CALN1: variants seen among roughly 807,000 people sequenced by gnomAD.
The protein encoded by CALN1 is calneuron 1.
A neutral mutation model predicts 30.6 loss-of-function variants in CALN1; 17 were observed. The ratio of observed to expected loss-of-function variants is 0.56; its 90% CI spans 0.38 to 0.83. CALN1 has a LOEUF of 0.83. Among genes scored for constraint, CALN1 ranks in the 40% least tolerant of loss-of-function variants. CALN1 has a pLI of 0.00. For missense variants in CALN1, 291 were observed against 354.9 expected, an observed-to-expected ratio of 0.82 and a Z score of 1.45; for synonymous variants, 156 against 131.4, an observed-to-expected ratio of 1.19 and a Z score of -1.28.
intron 2 of CALN1, among the ~76,000 whole-genome samples, chr7:72,325,156 C>T (rs938589132): frequency 3.9e-5 from 6 of 151,906 alleles, no homozygotes; most frequent in Non-Finnish European, 7.4e-5. Context: ...TTAAAAGTAG[C>T]TGAGCTTGGT....
chr7:71,872,128 A>G (rs1320056812), intron 5 of CALN1, among the ~76,000 whole-genome samples: 1 of 152,182 alleles, frequency 6.6e-6, no homozygotes, highest in Non-Finnish European at 1.5e-5. Context: ...TAGGTCTATC[A>G]TTGATTTATC....
intron 4 of CALN1, among the ~76,000 whole-genome samples, chr7:72,032,553 T>G (rs1340769361): frequency 6.6e-6 from 1 of 152,192 alleles, no homozygotes; most frequent in Non-Finnish European, 1.5e-5. Flanking sequence ...CCCCAGCCCT[T>G]GGTCCTGGCA....
chr7:72,172,626 A>T (rs1789050857), intron 3 of CALN1, among the ~76,000 whole-genome samples: 1 of 152,248 alleles, frequency 6.6e-6, no homozygotes. Context: ...CAGGAATGCA[A>T]GCCTGGTTCA....
At chr7:72,200,859 G>A (rs935849383) in intron 3 of CALN1, among the ~76,000 whole-genome samples, 12 of 152,172 alleles carry the variant, frequency 7.9e-5, no homozygotes, top group Non-Finnish European at 1.2e-4. Context: ...TCTCCCTGAG[G>A]AAAGCAACTT....
intron 3 of CALN1, among the ~76,000 whole-genome samples, chr7:72,135,098 T>C (rs1436856906): frequency 6.6e-6 from 1 of 152,214 alleles, no homozygotes; most frequent in Non-Finnish European, 1.5e-5. Flanking sequence ...GATCCGCTTT[T>C]AACTCCCCTT....
At chr7:72,487,762 GGTAAAGAAAGA>G in the CALN1 span, among the ~76,000 whole-genome samples, 2 of 98,500 alleles carry the variant, frequency 2.0e-5, no homozygotes, top group Admixed American at 1.1e-4. Flanking sequence ...AGGAAGGAAG[GGTAAAGAAAGA>G]AAGAAAGAGA....
chr7:72,193,024 C>T (rs1048571241), intron 3 of CALN1, among the ~76,000 whole-genome samples: 2 of 151,810 alleles, frequency 1.3e-5, no homozygotes, highest in Non-Finnish European at 2.9e-5. Flanking sequence ...CCCATCTCTG[C>T]TAAAATTACA....
chr7:72,324,698 CAGCCTCCCGAGT>C (rs1202422741), intron 2 of CALN1, among the ~76,000 whole-genome samples: 2 of 152,056 alleles, frequency 1.3e-5, no homozygotes, highest in African/African-American at 2.4e-5. Flanking sequence ...TCTCCTGCCT[CAGCCTCCCGAGT>C]AGCTGGGACT....
At position 72,367,060 on chromosome 7, in the gene CALN1, A is replaced by C. The variant is rs569274149; in HGVS notation, c.119+36191T>G. Among the ~76,000 whole-genome samples, 3 of 152,342 alleles carry C rather than the reference A, an allele frequency of 2.0e-5. No homozygotes were observed. The South Asian group carries it at 6.2e-4, about 32-fold the overall frequency. ...ACCTCACAAATATAATGTTGAGTCA[A>C]AGACGACAGATAAGGTAGAAAGCAT... On this transcript the variant is annotated intron_variant, in intron 2 of 6. Transcript: ENST00000395275.
the CALN1 span, among the ~76,000 whole-genome samples, chr7:72,482,588 T>A: frequency 6.6e-6 from 1 of 152,158 alleles, no homozygotes; most frequent in East Asian, 1.9e-4. Flanking sequence ...AATGATACTA[T>A]ACCACTTGAC....
At chr7:72,463,474 G>A in the CALN1 span, among the ~76,000 whole-genome samples, 5 of 152,074 alleles carry the variant, frequency 3.3e-5, no homozygotes, top group African/African-American at 1.2e-4. Context: ...GCATTTTTCT[G>A]GGAGTTCAGG....
At chr7:72,495,740 G>A in the CALN1 span, among the ~76,000 whole-genome samples, 4 of 152,174 alleles carry the variant, frequency 2.6e-5, no homozygotes, top group Admixed American at 6.5e-5. Flanking sequence ...TATTGCTTCC[G>A]AAATACAATT....
At chr7:71,879,678 G>A (rs1792453852) in intron 5 of CALN1, among the ~76,000 whole-genome samples, 1 of 152,154 alleles carries the variant, frequency 6.6e-6, no homozygotes, top group African/African-American at 2.4e-5. Flanking sequence ...ATGGCAGAGA[G>A]GAAAACTATC....
intron 4 of CALN1, among the ~76,000 whole-genome samples, chr7:72,081,624 G>C (rs1584903504): frequency 1.3e-5 from 2 of 151,956 alleles, no homozygotes; most frequent in Non-Finnish European, 2.9e-5. Flanking sequence ...GTCTCACCAG[G>C]TTGCCCAGGC....
intron 5 of CALN1, among the ~76,000 whole-genome samples, chr7:71,939,572 CAAAA>C (rs35583884): frequency 7.6e-6 from 1 of 131,538 alleles, no homozygotes; most frequent in Admixed American, 7.7e-5. Flanking sequence ...GATGTTGTCT[CAAAA>C]AAAAAAAAAA....
At chr7:71,829,551 G>A (rs1299877947) in intron 5 of CALN1, among the ~76,000 whole-genome samples, 4 of 152,212 alleles carry the variant, frequency 2.6e-5, no homozygotes, top group Non-Finnish European at 4.4e-5. Flanking sequence ...TTTATGCCAA[G>A]AGCTCACTCT....
intron 5 of CALN1, among the ~76,000 whole-genome samples, chr7:71,999,250 AAT>A (rs1245872846): frequency 6.6e-6 from 1 of 152,228 alleles, no homozygotes; most frequent in Non-Finnish European, 1.5e-5. Context: ...GACATTATAT[AAT>A]AGTCAAAGGA....
rs74301546 is a variant in CALN1 at position 72,169,122 on chromosome 7, C to T, written c.245-62828G>A. On this transcript the variant is annotated intron_variant, in intron 3 of 6. Coordinates refer to ENST00000395275, the MANE Select transcript of CALN1 (RefSeq NM_031468.4). ...CATCTAGCCCTATTTATTTCTTTAT[C>T]GCCTTCTTCCCTACATTTACACATA... Among the ~76,000 whole-genome samples, 2,300 of 150,854 alleles carry T rather than the reference C, an allele frequency of 0.015. 185 individuals carry two copies. In the East Asian group the frequency reaches 0.25, roughly 16 times the overall value.
At chr7:72,460,820 C>T in the CALN1 span, among the ~76,000 whole-genome samples, 71 of 152,214 alleles carry the variant, frequency 4.7e-4, no homozygotes, top group African/African-American at 1.6e-3. Flanking sequence ...GCCACATGTA[C>T]TCAGTGGATG....
Sources: allele counts gnomAD v4.1 joint callset (sites outside exome capture counted in the v4.1 genomes callset), GRCh38; gene constraint gnomAD v4.1.1; transcripts MANE v1.5; gene names NCBI Gene and HGNC (gene_info 2026-07-23, HGNC 2026-07-21).